The following GALNTL6 variants were observed in gnomAD, a reference collection of about 807,000 sequenced individuals.
GALNTL6 encodes the protein polypeptide N-acetylgalactosaminyltransferase like 6.
GALNTL6 carries 46 observed loss-of-function variants against 73.7 expected under a neutral mutation model. The ratio of observed to expected loss-of-function variants is 0.62; its 90% CI spans 0.49 to 0.80. The LOEUF (loss-of-function observed/expected upper bound fraction) is 0.80. Among genes scored for constraint, GALNTL6 ranks in the 30% least tolerant of loss-of-function variants. The pLI is 0.00. For synonymous variants in GALNTL6, 259 were observed against 263.7 expected, an observed-to-expected ratio of 0.98 and a Z score of 0.17; for missense variants, 604 against 755.0, an observed-to-expected ratio of 0.80 and a Z score of 2.34.
intron 2 of GALNTL6, among the ~76,000 whole-genome samples, chr4:171,991,749 T>TACACAC (rs1740343691): frequency 1.5e-5 from 2 of 137,512 alleles, no homozygotes; most frequent in Non-Finnish European, 3.0e-5. Flanking sequence ...TATATATATA[T>TACACAC]ATATATACAC....
At chr4:172,591,889 C>T (rs962874384) in intron 5 of GALNTL6, among the ~76,000 whole-genome samples, 1 of 152,080 alleles carries the variant, frequency 6.6e-6, no homozygotes, top group African/African-American at 2.4e-5. Context: ...GTAGTTTTGA[C>T]CTTGGCTATC....
At chr4:172,743,022 T>A (rs1422590518) in intron 5 of GALNTL6, among the ~76,000 whole-genome samples, 1 of 152,044 alleles carries the variant, frequency 6.6e-6, no homozygotes. Flanking sequence ...ACATGGTGAT[T>A]TGACGTCCCA....
intron 2 of GALNTL6, among the ~76,000 whole-genome samples, chr4:171,974,494 T>C (rs1739661641): frequency 1.3e-5 from 2 of 152,148 alleles, no homozygotes; most frequent in Non-Finnish European, 2.9e-5. Flanking sequence ...AAGAGAAAAA[T>C]ACATTTCCAA....
intron 2 of GALNTL6, among the ~76,000 whole-genome samples, chr4:172,051,498 T>C (rs1301698339): frequency 6.6e-6 from 1 of 152,012 alleles, no homozygotes; most frequent in African/African-American, 2.4e-5. Flanking sequence ...GGGGATGGGG[T>C]GGGAAGGTGA....
intron 5 of GALNTL6, among the ~76,000 whole-genome samples, chr4:172,428,531 A>G (rs1320648467): frequency 6.6e-6 from 1 of 152,176 alleles, no homozygotes; most frequent in Non-Finnish European, 1.5e-5. Flanking sequence ...GCTATGTCCC[A>G]CGGAAGGGCA....
intron 5 of GALNTL6, among the ~76,000 whole-genome samples, chr4:172,705,295 G>T (rs1474893079): frequency 6.7e-6 from 1 of 148,740 alleles, no homozygotes. Flanking sequence ...ATTTTTTCTG[G>T]TAGTATATTT....
At chr4:172,890,786 T>G (rs530589184) in intron 8 of GALNTL6, among the ~76,000 whole-genome samples, 1 of 152,292 alleles carries the variant, frequency 6.6e-6, no homozygotes, top group Non-Finnish European at 1.5e-5. Flanking sequence ...ACACTGCCCA[T>G]GGGGTTTTGA....
intron 5 of GALNTL6, among the ~76,000 whole-genome samples, chr4:172,429,069 G>T (rs1579063183): frequency 1.3e-5 from 2 of 152,178 alleles, no homozygotes; most frequent in South Asian, 4.1e-4. Flanking sequence ...CCTAGTGGAA[G>T]AGGCGAACAA....
rs868325124 is a variant in GALNTL6, at chr4:173,002,188, G to A, written c.1372-6990G>A. On this transcript the variant is annotated intron_variant, in intron 10 of 12. Transcript: ENST00000506823. ...GGGCAGATCAAGAGGTCAGGAGATC[G>A]AGACCATCCTGGCCAACATGGTGAA... is the stretch of plus-strand genomic sequence containing the variant. 1.3e-5 allele frequency among the ~76,000 whole-genome samples: 2 copies of A among 152,114 alleles called. 1 individual carries two copies. The highest frequency in any genetic ancestry group is 4.2e-4 in the South Asian group (2 of 4,816).
chr4:172,129,603 A>G (rs1733399454), intron 2 of GALNTL6, among the ~76,000 whole-genome samples: 1 of 152,212 alleles, frequency 6.6e-6, no homozygotes. Context: ...AACCAAAATA[A>G]AATCAGAGTG....
At chr4:172,255,506 T>C (rs888807098) in intron 3 of GALNTL6, among the ~76,000 whole-genome samples, 2 of 151,496 alleles carry the variant, frequency 1.3e-5, no homozygotes, top group African/African-American at 4.8e-5. Flanking sequence ...AATTAATAAC[T>C]AGTAACCTCT....
chr4:172,841,876 A>G (rs1023938261), intron 7 of GALNTL6, among the ~76,000 whole-genome samples: 3 of 152,192 alleles, frequency 2.0e-5, no homozygotes, highest in Non-Finnish European at 4.4e-5. Context: ...AACAAATATC[A>G]TAGCATCATT....
chr4:172,861,318 C>CGTGT (rs772337885), intron 7 of GALNTL6, among the ~76,000 whole-genome samples: 67,142 of 140,628 alleles, frequency 0.48, 17,831 homozygotes, highest in East Asian at 0.76. Flanking sequence ...TTTTTGCTTA[C>CGTGT]ATGTGTGTGT....
chr4:172,124,569 G>A (rs1733244396), intron 2 of GALNTL6, among the ~76,000 whole-genome samples: 1 of 151,656 alleles, frequency 6.6e-6, no homozygotes, highest in Admixed American at 6.6e-5. Flanking sequence ...CTTTTTCAAA[G>A]TTCAGCTTTC....
At chr4:171,894,589 A>G (rs1219523579) in intron 2 of GALNTL6, among the ~76,000 whole-genome samples, 1 of 152,188 alleles carries the variant, frequency 6.6e-6, no homozygotes, top group African/African-American at 2.4e-5. Flanking sequence ...TCTTTTGTCC[A>G]GGCCTCAAGC....
At chr4:172,024,607 C>A (rs1191533167) in intron 2 of GALNTL6, among the ~76,000 whole-genome samples, 4 of 151,806 alleles carry the variant, frequency 2.6e-5, no homozygotes, top group Admixed American at 1.3e-4. Context: ...AGATTTTAAT[C>A]AAATTTGGAG....
At chr4:172,114,147 T>G (rs1732926916) in intron 2 of GALNTL6, among the ~76,000 whole-genome samples, 1 of 152,098 alleles carries the variant, frequency 6.6e-6, no homozygotes, top group South Asian at 2.1e-4. Context: ...ATAATTTGAA[T>G]GCAGAAAATA....
intron 2 of GALNTL6, among the ~76,000 whole-genome samples, chr4:171,819,052 C>CT (rs1185775519): frequency 6.6e-6 from 1 of 151,358 alleles, no homozygotes; most frequent in Admixed American, 6.6e-5. Context: ...GTCTGTGTTC[C>CT]TTTTTTAGCA....
At chr4:172,662,629 T>C (rs548208494) in intron 5 of GALNTL6, among the ~76,000 whole-genome samples, 1 of 152,210 alleles carries the variant, frequency 6.6e-6, no homozygotes, top group Non-Finnish European at 1.5e-5. Context: ...TCCTGCCTAA[T>C]TGGTATACTC....
Sources: gnomAD v4.1 joint callset for allele counts (sites outside exome capture counted in the v4.1 genomes callset) on GRCh38, gnomAD v4.1.1 for gene constraint, MANE v1.5 for transcripts, NCBI Gene and HGNC (gene_info 2026-07-23, HGNC 2026-07-21) for gene names.